The following PPEF1 variants were observed in gnomAD, a reference collection of about 807,000 sequenced individuals.
PPEF1 encodes serine/threonine-protein phosphatase with EF-hands 1.
A neutral mutation model predicts 53.3 loss-of-function variants in PPEF1; 12 were observed. The observed-to-expected ratio is 0.23, with a 90% CI of 0.14 to 0.36. The LOEUF (loss-of-function observed/expected upper bound fraction) is 0.36, where lower values mean the gene tolerates loss of function less well. Among genes scored for constraint, PPEF1 ranks in the 10% least tolerant of loss-of-function variants. The pLI is 1.00. For missense variants in PPEF1, 334 were observed against 490.4 expected, an observed-to-expected ratio of 0.68 and a Z score of 3.01; for synonymous variants, 165 against 176.7, an observed-to-expected ratio of 0.93 and a Z score of 0.52.
chrX:18,820,631 C>G (rs895493757), intron 13 of PPEF1, among the ~76,000 whole-genome samples: 1 of 110,643 alleles, frequency 9.0e-6, no homozygotes, highest in Non-Finnish European at 1.9e-5. Context: ...GTGATCCACC[C>G]GCCTTGGCCT....
chrX:18,736,213 C>T (rs777021541), intron 3 of PPEF1, among the ~76,000 whole-genome samples: 1 of 111,719 alleles, frequency 9.0e-6, no homozygotes, highest in South Asian at 3.8e-4. Context: ...TGCCAGTTTT[C>T]AAAGGGAATG....
Position 18,774,819 on chromosome X carries a change from C to T in PPEF1, c.559-4191C>T, listed in dbSNP as rs756939946. Among the ~76,000 whole-genome samples, 5 of 112,055 alleles carry T rather than the reference C, an allele frequency of 4.5e-5. No homozygotes were observed. In the East Asian group the frequency reaches 1.4e-3, roughly 31 times the overall value. ...TATAGATGAGAAGTCTGATGCTAGG[C>T]TGATTCTTTTCCTTTTGTAACTTGT... On this transcript the variant is annotated intron_variant, in intron 6 of 15. Transcript: ENST00000470157.
intron 5 of PPEF1, among the ~76,000 whole-genome samples, chrX:18,698,592 A>G (rs1181133060): frequency 8.9e-6 from 1 of 111,781 alleles, no homozygotes; most frequent in Non-Finnish European, 1.9e-5. Flanking sequence ...TGACACTAGC[A>G]TGGCCAACAT....
rs184609833 is a variant in PPEF1 at position 18,782,399 on chromosome X, T to C, written c.759T>C (p.Tyr253=). ...YGFTKEILHK[Y]KLHGKRILQI... is the part of the protein sequence containing the mutation. ...TCACGAAAGAAATTTTGCATAAATA[T>C]AAGGTAAGACATGCTTTTTTTTTTT... The change falls in exon 8 of 16, where the codon TAT becomes TAC. Residue 253 remains tyrosine, a synonymous_variant. Transcript: ENST00000470157. The C allele has an allele frequency of 1.2e-5, 14 of 1,127,192 alleles. No homozygotes were observed. In the East Asian group the frequency reaches 4.0e-4, roughly 32 times the overall value. 92.9% of individuals were successfully genotyped at this position (1,127,192 alleles called of 1,213,427 possible). A position where few individuals can be genotyped will look rare whatever the true frequency, so the allele number is the denominator to read the frequency against.
intron 3 of PPEF1, among the ~76,000 whole-genome samples, chrX:18,690,526 G>A (rs1479866276): frequency 3.6e-5 from 4 of 110,145 alleles, no homozygotes; most frequent in Non-Finnish European, 5.7e-5. Context: ...ACAGGTGCCC[G>A]CCACCATGCC....
intron 11 of PPEF1, among the ~76,000 whole-genome samples, chrX:18,804,601 C>T (rs967180073): frequency 1.8e-5 from 2 of 112,212 alleles, no homozygotes; most frequent in Admixed American, 1.9e-4. Context: ...GCCACCGCGC[C>T]TGGCCCCAGA....
intron 1 of PPEF1, among the ~76,000 whole-genome samples, chrX:18,719,810 C>T (rs1478050561): frequency 9.0e-6 from 1 of 111,644 alleles, no homozygotes; most frequent in Non-Finnish European, 1.9e-5. Flanking sequence ...GTTTTGCAAC[C>T]ACCATAGAAA....
In PPEF1 at chrX:18,789,025, G is replaced by A. The variant is rs995472511; in HGVS notation, c.913-96G>A. 5.8e-6 allele frequency: 6 copies of A among 1,032,236 alleles called. No homozygotes were observed. In the African/African-American group the frequency reaches 9.4e-5, roughly 16 times the overall value. The allele number at this position is 1,032,236 out of a possible 1,213,427, so 85.1% of individuals were successfully genotyped here. ...ACCGTGTGTTTTTCATTGGGTTGTG[G>A]CACCACAACATAGAAAGAATCCCAC... On this transcript the variant is annotated intron_variant, in intron 9 of 15. Coordinates refer to ENST00000470157, the MANE Select transcript of PPEF1 (RefSeq NM_001377996.1).
intron 11 of PPEF1, among the ~76,000 whole-genome samples, chrX:18,806,173 G>T (rs888253424): frequency 9.0e-6 from 1 of 111,643 alleles, no homozygotes; most frequent in African/African-American, 3.3e-5. Flanking sequence ...AGGGCCATGC[G>T]CTGAGGACAT....
At chrX:18,716,481 A>G (rs2044457624) in intron 1 of PPEF1, among the ~76,000 whole-genome samples, 1 of 102,972 alleles carries the variant, frequency 9.7e-6, no homozygotes, top group Non-Finnish European at 2.0e-5. Context: ...GCAGTGAGCC[A>G]AGATCACACC....
chrX:18,705,758 G>C (rs1012910972), upstream of PPEF1, among the ~76,000 whole-genome samples: 1 of 111,204 alleles, frequency 9.0e-6, no homozygotes, highest in Non-Finnish European at 1.9e-5. Flanking sequence ...GTTTAGGAAG[G>C]CTAATTCATT....
In PPEF1 at chrX:18,806,504, C is replaced by T; in HGVS notation, c.1353C>T (p.Tyr451=). ...CSGTTPRFFQ[Y]QVTKATCFQP... is the part of the protein sequence containing the mutation. ...GTACAACTCCTCGATTTTTCCAGTA[C>T]CAAGTAACTAAAGCAACGTGCTTTC... Residue 451 remains tyrosine, a synonymous_variant, in exon 12 of 16, where the codon TAC becomes TAT. Transcript: ENST00000470157. 1 of 1,207,975 alleles carries T rather than the reference C, an allele frequency of 8.3e-7. No homozygotes were observed.
chrX:18,794,909 ACT>A (rs769507375), intron 10 of PPEF1, among the ~76,000 whole-genome samples: 1 of 111,171 alleles, frequency 9.0e-6, no homozygotes, highest in Non-Finnish European at 1.9e-5. Context: ...AATGCCACAG[ACT>A]CTCTCTGTTG....
chrX:18,706,891 C>T (rs1431207708), upstream of PPEF1, among the ~76,000 whole-genome samples: 2 of 79,829 alleles, frequency 2.5e-5, no homozygotes, highest in South Asian at 8.8e-4. Context: ...TACAGTGGTG[C>T]GATCTCAGCT....
chrX:18,765,455 C>T (rs1406416429), intron 6 of PPEF1, among the ~76,000 whole-genome samples: 1 of 111,148 alleles, frequency 9.0e-6, no homozygotes, highest in Non-Finnish European at 1.9e-5. Flanking sequence ...ATTTTAGCTG[C>T]TATTGCCACA....
At chrX:18,710,832 C>T (rs1419040811) in intron 1 of PPEF1, among the ~76,000 whole-genome samples, 1 of 110,992 alleles carries the variant, frequency 9.0e-6, no homozygotes, top group Non-Finnish European at 1.9e-5. Context: ...AATCCCACCA[C>T]GGAGTCTACC....
At chrX:18,820,531 G>A (rs1447720029) in intron 13 of PPEF1, among the ~76,000 whole-genome samples, 3 of 110,427 alleles carry the variant, frequency 2.7e-5, no homozygotes, top group Non-Finnish European at 3.8e-5. Flanking sequence ...GACTACAGGC[G>A]TGTGCCACCA....
chrX:18,688,651 T>C (rs939249043), intron 3 of PPEF1: 15 of 112,682 alleles, frequency 1.3e-4, no homozygotes, highest in Admixed American at 4.7e-4. Flanking sequence ...TCTTTAGCTT[T>C]TGGCATTGCT....
At chrX:18,750,885 T>C (rs956554797) in intron 4 of PPEF1, among the ~76,000 whole-genome samples, 1 of 111,293 alleles carries the variant, frequency 9.0e-6, no homozygotes, top group African/African-American at 3.3e-5. Context: ...GCCATCCTAG[T>C]GTGTGTGACG....
Sources: gnomAD v4.1 joint callset for allele counts (sites outside exome capture counted in the v4.1 genomes callset) on GRCh38, gnomAD v4.1.1 for gene constraint, MANE v1.5 for transcripts, NCBI Gene and HGNC (gene_info 2026-07-23, HGNC 2026-07-21) for gene names.